The following AGBL1 variants were observed in gnomAD, a reference collection of about 807,000 sequenced individuals.
The protein encoded by AGBL1 is AGBL carboxypeptidase 1.
A neutral mutation model predicts 118.9 loss-of-function variants in AGBL1; 130 were observed. That is an observed-to-expected ratio of 1.09 (90% CI 0.95 to 1.26). AGBL1 has a LOEUF of 1.26. AGBL1 is among the 50% of genes most tolerant of loss of function. The pLI is 0.00. For missense variants in AGBL1, 1,584 were observed against 1,298.1 expected (o/e 1.22, Z -3.38); for synonymous variants, 555 against 478.9 (o/e 1.16, Z -2.08).
At chr15:86,226,992 G>C (rs1597587659) in intron 6 of AGBL1, among the ~76,000 whole-genome samples, 2 of 152,320 alleles carry the variant, frequency 1.3e-5, no homozygotes, top group South Asian at 2.1e-4. Context: ...CCTGAAATAA[G>C]TATTTGTTGA....
chr15:86,664,764 A>G (rs1341695055), intron 21 of AGBL1, among the ~76,000 whole-genome samples: 1 of 152,050 alleles, frequency 6.6e-6, no homozygotes, highest in Admixed American at 6.6e-5. Flanking sequence ...TTGAATATTT[A>G]AATTAAAATA....
intron 23 of AGBL1, among the ~76,000 whole-genome samples, chr15:86,924,960 G>A (rs558199474): frequency 6.6e-6 from 1 of 151,460 alleles, no homozygotes; most frequent in African/African-American, 2.4e-5. Flanking sequence ...AACTTAGCTG[G>A]GCATGGTGGT....
At chr15:86,156,094 A>T (rs1443624728) in intron 4 of AGBL1, among the ~76,000 whole-genome samples, 1 of 151,814 alleles carries the variant, frequency 6.6e-6, no homozygotes, top group African/African-American at 2.4e-5. Flanking sequence ...GCTAATTTTT[A>T]TATTTTAGTA....
Position 86,911,560 on chromosome 15 carries a change from A to T in AGBL1, c.*4266A>T, listed in dbSNP as rs1265002086. On this transcript the variant is annotated 3_prime_UTR_variant, in exon 23 of 23. Coordinates refer to ENST00000614907, the MANE Select transcript of AGBL1 (RefSeq NM_001386094.1). Reference sequence around the variant, plus strand: ...TTTGTTCTCTTTGATTTGCCACAGAACATACCCTCTTTCTCTCTCATCGCA... The same window carrying T: ...TTTGTTCTCTTTGATTTGCCACAGATCATACCCTCTTTCTCTCTCATCGCA... The T allele has an allele frequency of 6.6e-6, 1 of 152,264 alleles. No homozygotes were observed. The highest frequency in any genetic ancestry group is 2.4e-5 in the African/African-American group (1 of 41,436). 9.4% of individuals were successfully genotyped at this position (152,264 alleles called of 1,614,324 possible).
intron 5 of AGBL1, among the ~76,000 whole-genome samples, chr15:86,223,425 C>T (rs1354645889): frequency 6.6e-6 from 1 of 152,046 alleles, no homozygotes; most frequent in African/African-American, 2.4e-5. Context: ...TTTCTTTTTG[C>T]CCCAGCCCAA....
At chr15:86,651,621 G>A (rs538487633) in intron 21 of AGBL1, among the ~76,000 whole-genome samples, 6 of 152,282 alleles carry the variant, frequency 3.9e-5, no homozygotes, top group South Asian at 4.1e-4. Context: ...ATTGACGTTC[G>A]TCAGTAAATG....
rs568915803 is a variant in AGBL1, at chr15:86,164,571, C to T, written c.488+5545C>T. 6.0e-4 allele frequency among the ~76,000 whole-genome samples: 91 copies of T among 152,306 alleles called. 1 individual carries two copies. In the South Asian group the frequency reaches 0.015, roughly 25 times the overall value. Reference sequence around the variant, plus strand: ...TAATAAGGACCATTTCCACTGGCCACGTGCTTGACCTTTTCCAAAGTACAG... The same window carrying T: ...TAATAAGGACCATTTCCACTGGCCATGTGCTTGACCTTTTCCAAAGTACAG... On this transcript the variant is annotated intron_variant, in intron 5 of 22. Transcript: ENST00000614907.
rs746167136 is a variant in AGBL1, at chr15:86,259,520, G to A, written c.969+1489G>A. 3.0e-4 allele frequency among the ~76,000 whole-genome samples: 45 copies of A among 152,078 alleles called. 1 individual carries two copies. The highest frequency in any genetic ancestry group is 6.2e-4 in the South Asian group (3 of 4,804). On this transcript the variant is annotated intron_variant, in intron 9 of 22. Coordinates refer to ENST00000614907, the MANE Select transcript of AGBL1 (RefSeq NM_001386094.1). ...TTCCTATCTGTCTAGAAAGAAAGAG[G>A]CTTTTGAGTTCTCTGTCATGATAAT...
intron 24 of AGBL1, among the ~76,000 whole-genome samples, chr15:87,012,661 A>C (rs983437158): frequency 1.3e-5 from 2 of 152,076 alleles, no homozygotes; most frequent in Non-Finnish European, 2.9e-5. Context: ...AGGAGGAGCC[A>C]CTTTTAAATC....
intron 21 of AGBL1, among the ~76,000 whole-genome samples, chr15:86,578,599 T>G (rs1486828137): frequency 6.6e-6 from 1 of 152,210 alleles, no homozygotes; most frequent in African/African-American, 2.4e-5. Flanking sequence ...CATGCATATC[T>G]CATGTTGAAT....
chr15:86,162,024 C>T (rs925897051), intron 5 of AGBL1, among the ~76,000 whole-genome samples: 8 of 152,142 alleles, frequency 5.3e-5, no homozygotes, highest in African/African-American at 1.7e-4. Context: ...GTCTGGTTGC[C>T]TGCTGCAGAT....
chr15:86,400,141 TA>T (rs748552259), intron 18 of AGBL1, among the ~76,000 whole-genome samples: 20 of 152,172 alleles, frequency 1.3e-4, no homozygotes, highest in Non-Finnish European at 2.6e-4. Context: ...ACTAGTTCTG[TA>T]ATTGACATTT....
intron 5 of AGBL1, among the ~76,000 whole-genome samples, chr15:86,174,692 T>G (rs11855602): frequency 0.22 from 34,012 of 151,988 alleles, 4,180 homozygotes; most frequent in Non-Finnish European, 0.27. Context: ...TTGTTAAGAG[T>G]TTTTTATCAT....
At chr15:86,699,155 A>C (rs1048161660) in intron 22 of AGBL1, among the ~76,000 whole-genome samples, 1 of 151,926 alleles carries the variant, frequency 6.6e-6, no homozygotes, top group East Asian at 1.9e-4. Flanking sequence ...CAACCTCACA[A>C]AAATTTCAAA....
chr15:86,901,808 T>A (rs1402225347), intron 22 of AGBL1, among the ~76,000 whole-genome samples: 4 of 152,164 alleles, frequency 2.6e-5, no homozygotes, highest in African/African-American at 7.2e-5. Context: ...TAAACCTACA[T>A]AGTTTTTATT....
intron 22 of AGBL1, among the ~76,000 whole-genome samples, chr15:86,863,932 A>T (rs551042707): frequency 4.6e-5 from 7 of 152,210 alleles, no homozygotes; most frequent in Non-Finnish European, 8.8e-5. Context: ...GTCTACACAA[A>T]CTACTTAGCC....
At chr15:86,084,172 T>A (rs77732434) in intron 1 of AGBL1, among the ~76,000 whole-genome samples, 2,022 of 152,322 alleles carry the variant, frequency 0.013, 30 homozygotes, top group South Asian at 0.075. Flanking sequence ...GTCAGTGCCT[T>A]AGGAATGGCT....
chr15:86,220,213 A>G (rs1271043621), intron 5 of AGBL1, among the ~76,000 whole-genome samples: 1 of 152,076 alleles, frequency 6.6e-6, no homozygotes, highest in Non-Finnish European at 1.5e-5. Context: ...CGGCCTCCCA[A>G]AGTGCTGGGA....
At chr15:86,790,699 T>A (rs2078480477) in intron 22 of AGBL1, among the ~76,000 whole-genome samples, 1 of 152,154 alleles carries the variant, frequency 6.6e-6, no homozygotes, top group South Asian at 2.1e-4. Flanking sequence ...TTTAGCAACT[T>A]ACTCTCAGGA....
Sources: gnomAD v4.1 joint callset for allele counts (sites outside exome capture counted in the v4.1 genomes callset) on GRCh38, gnomAD v4.1.1 for gene constraint, MANE v1.5 for transcripts, NCBI Gene and HGNC (gene_info 2026-07-23, HGNC 2026-07-21) for gene names.